The following MCM4 variants were observed in gnomAD, a reference collection of about 807,000 sequenced individuals.
MCM4 encodes DNA replication licensing factor MCM4.
In MCM4, 60 loss-of-function variants were observed where a neutral mutation model predicts 88.7. The observed-to-expected ratio is 0.68, with a 90% CI of 0.55 to 0.84. The LOEUF (loss-of-function observed/expected upper bound fraction) is 0.84, where lower values mean the gene tolerates loss of function less well. Among genes scored for constraint, MCM4 ranks in the 40% least tolerant of loss-of-function variants. MCM4 has a pLI of 0.00. For synonymous variants in MCM4, 465 were observed against 410.5 expected, an observed-to-expected ratio of 1.13 and a Z score of -1.61; for missense variants, 1,149 against 1,105.5, an observed-to-expected ratio of 1.04 and a Z score of -0.56.
In MCM4 at chr8:47,961,815, A is replaced by T. The variant is rs1215626391; in HGVS notation, c.235+135A>T. 30 of 1,217,488 alleles carry T rather than the reference A, an allele frequency of 2.5e-5. No homozygotes were observed. In the Admixed American group the frequency reaches 4.7e-4, roughly 19 times the overall value. 75.4% of individuals were successfully genotyped at this position (1,217,488 alleles called of 1,614,324 possible). On this transcript the variant is annotated intron_variant, in intron 3 of 16. Transcript: ENST00000649973. ...CTGCACGTGACTGAGCATGTTCTTA[A>T]CCAGAGGAGCTGAACGGAGTGCAGA...
In MCM4 at chr8:47,973,046, C is replaced by G; in HGVS notation, c.2118C>G (p.Ala706=). Residue 706 remains alanine (A), a synonymous_variant, in exon 14 of 17, where the codon GCC becomes GCG. Transcript: ENST00000649973. ...STIMPRLSEE[A]SQALIEAYVD... ...TCATGCCGCGGCTAAGTGAGGAAGC[C>G]AGCCAGGCTCTCATCGAGGTAACCC... The G allele has an allele frequency of 1.2e-6, 2 of 1,613,672 alleles. No homozygotes were observed. The highest frequency in any genetic ancestry group is 1.7e-6 in the Non-Finnish European group (2 of 1,179,970).
Position 47,961,549 on chromosome 8 carries a change from A to G in MCM4, c.104A>G (p.Gln35Arg). 1.9e-6 allele frequency: 3 copies of G among 1,614,156 alleles called. No homozygotes were observed. The highest frequency in any genetic ancestry group is 1.7e-4 in the Middle Eastern group (1 of 6,034). ...RSEDARSSPS[Q>R]RRRGEDSTST... ...GAGGATGCCAGGTCATCTCCCTCTC[A>G]GAGACGTAGAGGCGAGGATTCCACC... The change falls in exon 3 of 17, where the codon CAG (glutamine) becomes CGG (arginine). Residue 35 changes from glutamine to arginine, a missense_variant. Physicochemically the swap from Gln to Arg is conservative, Grantham distance 43. This residue lies in a region of MCM4 where 906 missense variants were observed against 843.0 expected (regional missense o/e 1.07). Coordinates refer to ENST00000649973, the MANE Select transcript of MCM4 (RefSeq NM_182746.3).
intron 12 of MCM4, among the ~76,000 whole-genome samples, 173 bp downstream of exon 12, chr8:47,971,049 G>A (rs538110353): frequency 3.3e-5 from 5 of 152,294 alleles, no homozygotes; most frequent in East Asian, 1.9e-4. Flanking sequence ...AGGGTGTCAC[G>A]TTTTGTCTTT....
At chr8:47,965,608 C>T (rs2090891346) in intron 8 of MCM4, among the ~76,000 whole-genome samples, 1 of 152,000 alleles carries the variant, frequency 6.6e-6, no homozygotes. Flanking sequence ...GGCAGTGGGA[C>T]CTTCAAAGGG....
chr8:47,975,478 AGTT>A (rs2090993436), intron 15 of MCM4: 1 of 306,216 alleles, frequency 3.3e-6, no homozygotes. Context: ...ATTTTAGAGA[AGTT>A]GTTTGTTTCT....
intron 14 of MCM4, chr8:47,974,502 A>T: frequency 2.0e-6 from 1 of 491,854 alleles, no homozygotes. Context: ...CTTCCCAAGC[A>T]TCTCCCAGTT....
Position 47,967,306 on chromosome 8 carries a change from G to T in MCM4, c.1054-59G>T. ...GGCAAAAGCAGTACAAAGACATGCA[G>T]ATTTTGTCCCCCTGCCCTCTCTTTG... On this transcript the variant is annotated intron_variant, in intron 9 of 16. Coordinates refer to ENST00000649973, the MANE Select transcript of MCM4 (RefSeq NM_182746.3). The T allele has an allele frequency of 1.9e-6, 3 of 1,604,926 alleles. No individual in the cohort carries two copies. The Admixed American group carries it at 5.0e-5, about 27-fold the overall frequency.
intron 5 of MCM4, 145 bp downstream of exon 5, chr8:47,962,551 A>T (rs2154505012): frequency 2.4e-6 from 2 of 840,036 alleles, no homozygotes; most frequent in Middle Eastern, 3.3e-4. Context: ...TGGGAGGCCA[A>T]GGTGGGAGGA....
At chr8:47,970,147 C>T in intron 11 of MCM4, 90 bp downstream of exon 11, 1 of 1,437,190 alleles carries the variant, frequency 7.0e-7, no homozygotes, top group Non-Finnish European at 9.5e-7. Flanking sequence ...GAGCCATCCG[C>T]CATAAAGGAC....
rs17334430 is a variant in MCM4 at position 47,970,076 on chromosome 8, C to G, written c.1434+19C>G. 8 of 1,609,958 alleles carry G rather than the reference C, an allele frequency of 5.0e-6. No homozygotes were observed. In the African/African-American group the frequency reaches 1.1e-4, roughly 22 times the overall value. ...AAAGAAGGTAACAGTGGATTTTAAA[C>G]TAGGGGTTGGGATTTACAATTCTTT... On this transcript the variant is annotated intron_variant, in intron 11 of 16. Transcript: ENST00000649973.
chr8:47,962,007 T>G, intron 3 of MCM4, 46 bp from the exon 4 acceptor site: 1 of 1,570,646 alleles, frequency 6.4e-7, no homozygotes, highest in Non-Finnish European at 8.8e-7. Context: ...ATGCTGTAAT[T>G]TCAGGTTTGA....
In MCM4 at chr8:47,970,805, G is replaced by T; in HGVS notation, c.1729G>T (p.Asp577Tyr). 6.2e-7 allele frequency: 1 copy of T among 1,613,732 alleles called. No individual in the cohort carries two copies. The highest frequency in any genetic ancestry group is 1.3e-5 in the African/African-American group (1 of 75,024). Residue 577 changes from aspartate (D) to tyrosine (Y), a missense_variant, in exon 12 of 17, where the codon GAC becomes TAC. Transcript: ENST00000649973. ...DNGICCIDEF[D>Y]KMNESTRSVL... The stretch of plus-strand genomic sequence containing the variant: ...CGGCATCTGCTGTATCGATGAGTTC[G>T]ACAAGATGAATGAAAGTACAAGATC...
intron 10 of MCM4, 68 bp downstream of exon 10, chr8:47,967,553 G>C: frequency 6.3e-7 from 1 of 1,597,222 alleles, no homozygotes; most frequent in East Asian, 2.2e-5. Context: ...GCTTTAGTGA[G>C]TCATTGGACT....
intron 7 of MCM4, among the ~76,000 whole-genome samples, chr8:47,964,053 G>A (rs757466899): frequency 4.6e-5 from 7 of 152,046 alleles, no homozygotes; most frequent in Non-Finnish European, 8.8e-5. Context: ...GAGAAACCCC[G>A]TCTCTATTAA....
chr8:47,972,741 G>T, intron 13 of MCM4, 116 bp from the exon 14 acceptor site: 1 of 702,002 alleles, frequency 1.4e-6, no homozygotes, highest in Non-Finnish European at 2.4e-6. Context: ...ATTTTTAGTA[G>T]AGACAAGGTT....
At chr8:47,972,736 T>G (rs1161761335) in intron 13 of MCM4, 121 bp from the exon 14 acceptor site, 2 of 680,094 alleles carry the variant, frequency 2.9e-6, no homozygotes, top group African/African-American at 3.6e-5. Context: ...GTTGCATTTT[T>G]AGTAGAGACA....
chr8:47,961,882 C>G, intron 3 of MCM4, 171 bp from the exon 4 acceptor site: 1 of 895,744 alleles, frequency 1.1e-6, no homozygotes, highest in Non-Finnish European at 1.7e-6. Flanking sequence ...GAAGCAGCTT[C>G]TCTGGTGCTT....
At chr8:47,961,035 A>AGGGCGTGGCGCGGAGCCGACGGGAACGT (rs2090818300) in intron 1 of MCM4, 21 bp downstream of exon 1, 2 of 1,179,830 alleles carry the variant, frequency 1.7e-6, no homozygotes, top group Non-Finnish European at 2.3e-6. Context: ...GCCGGCGGGG[A>AGGGCGTGGCGCGGAGCCGACGGGAACGT]GGGCGTGGCG....
At chr8:47,975,445 T>C (rs1180013553) in intron 15 of MCM4, 2 of 227,782 alleles carry the variant, frequency 8.8e-6, no homozygotes, top group Non-Finnish European at 1.7e-5. Flanking sequence ...TCTCCTTGAC[T>C]GTCTGGGAAG....
Sources: allele counts gnomAD v4.1 joint callset (sites outside exome capture counted in the v4.1 genomes callset), GRCh38; gene constraint gnomAD v4.1.1; regional missense constraint gnomAD v4.1.1; transcripts MANE v1.5; gene names NCBI Gene and HGNC (gene_info 2026-07-23, HGNC 2026-07-21).